The following CLSTN1 variants were observed in gnomAD, a reference collection of about 807,000 sequenced individuals.
CLSTN1 encodes the protein calsyntenin-1.
CLSTN1 carries 28 observed loss-of-function variants against 108.3 expected under a neutral mutation model. The ratio of observed to expected loss-of-function variants is 0.26; its 90% CI spans 0.19 to 0.35. CLSTN1 has a LOEUF of 0.35. Among genes scored for constraint, CLSTN1 ranks in the 10% least tolerant of loss-of-function variants. The probability of loss-of-function intolerance (pLI) is 1.00; values close to 1 mark genes in which losing one functional copy is unlikely to be tolerated. For missense variants in CLSTN1, 1,157 were observed against 1,302.6 expected (o/e 0.89, Z 1.72); for synonymous variants, 524 against 534.9 (o/e 0.98, Z 0.28).
At chr1:9,813,185 G>A (rs1365173590) in intron 1 of CLSTN1, among the ~76,000 whole-genome samples, 1 of 151,436 alleles carries the variant, frequency 6.6e-6, no homozygotes, top group African/African-American at 2.4e-5. Flanking sequence ...AGAAAAACCT[G>A]TTGCCATCTT....
At chr1:9,762,605 C>T (rs942045990) in intron 2 of CLSTN1, among the ~76,000 whole-genome samples, 1 of 148,794 alleles carries the variant, frequency 6.7e-6, no homozygotes, top group Admixed American at 6.7e-5. Flanking sequence ...CTCCACTCGG[C>T]CTTGGTGCCC....
chr1:9,773,227 G>A (rs1211695175), intron 2 of CLSTN1, 45 bp downstream of exon 2: 3 of 1,611,184 alleles, frequency 1.9e-6, no homozygotes, highest in African/African-American at 1.3e-5. Context: ...AATGCTTCCT[G>A]ACCAGGCCCG....
intron 9 of CLSTN1, among the ~76,000 whole-genome samples, chr1:9,741,784 C>T (rs1386347729): frequency 2.6e-5 from 4 of 152,048 alleles, no homozygotes; most frequent in South Asian, 2.1e-4. Flanking sequence ...TGGTGGTGCA[C>T]GCCTGTAGTC....
intron 2 of CLSTN1, among the ~76,000 whole-genome samples, chr1:9,771,008 C>T (rs1460976459): frequency 6.6e-6 from 1 of 151,886 alleles, no homozygotes; most frequent in Non-Finnish European, 1.5e-5. Flanking sequence ...TAAAACAAAA[C>T]AAAATAAAAT....
At chr1:9,735,223 G>A (rs1650621345) in intron 13 of CLSTN1, 49 bp from the exon 14 acceptor site, 1 of 1,592,848 alleles carries the variant, frequency 6.3e-7, no homozygotes, top group Admixed American at 1.7e-5. Context: ...GCCGATCTTG[G>A]AGCCCACCTG....
intron 1 of CLSTN1, among the ~76,000 whole-genome samples, chr1:9,782,013 T>C (rs370992456): frequency 2.6e-5 from 4 of 152,344 alleles, no homozygotes; most frequent in East Asian, 3.9e-4. Context: ...TCAGCCACCA[T>C]TGGTGAATTC....
chr1:9,739,177 C>T (rs1650846142), intron 10 of CLSTN1, among the ~76,000 whole-genome samples: 1 of 152,102 alleles, frequency 6.6e-6, no homozygotes, highest in Non-Finnish European at 1.5e-5. Flanking sequence ...TCAGCATTTC[C>T]TTTGGCAATA....
rs767073629 is a variant in CLSTN1 at position 9,752,871 on chromosome 1, G to GTAAA, written c.441-1194_441-1191dup. On this transcript the variant is annotated intron_variant, in intron 4 of 18. Transcript: ENST00000377298. ...AGCGAGACTCTGCCTCAAAAAATAA[G>GTAAA]TAAATAAATAAATAAATAAAACAAA... is the stretch of plus-strand genomic sequence containing the variant. Among the ~76,000 whole-genome samples the GTAAA allele has an allele frequency of 6.7e-3, 1,014 of 151,880 alleles. 12 individuals are homozygous for GTAAA. Among genetic ancestry groups the GTAAA allele is most frequent in the East Asian group, 0.044 (228 of 5,150 alleles).
At chr1:9,747,669 T>C (rs1027081987) in intron 7 of CLSTN1, among the ~76,000 whole-genome samples, 5 of 152,014 alleles carry the variant, frequency 3.3e-5, no homozygotes, top group Middle Eastern at 3.2e-3. Context: ...GCTAATTTTT[T>C]ATTTTTAGTA....
chr1:9,812,168 T>A (rs973758896), intron 1 of CLSTN1, among the ~76,000 whole-genome samples: 3 of 152,018 alleles, frequency 2.0e-5, no homozygotes, highest in Non-Finnish European at 4.4e-5. Context: ...CATAATCTGC[T>A]TAACAGAAGG....
chr1:9,735,959 CCTT>C lies in CLSTN1; in HGVS notation c.1657_1659del (p.Lys553del). On this transcript the variant is annotated inframe_deletion, in exon 12 of 19. Coordinates refer to ENST00000377298, the MANE Select transcript of CLSTN1 (RefSeq NM_001009566.3). The stretch of plus-strand genomic sequence containing the variant: ...TTGCAGGTATACAGACAGTCGATCA[CCTT>C]CTTATCCGCGAGTTTCCCGGAACGG... The C allele has an allele frequency of 1.2e-6, 2 of 1,614,192 alleles. No homozygotes were observed. The highest frequency in any genetic ancestry group is 1.1e-5 in the South Asian group (1 of 91,086).
At chr1:9,806,466 G>A (rs1391256488) in intron 1 of CLSTN1, among the ~76,000 whole-genome samples, 1 of 152,108 alleles carries the variant, frequency 6.6e-6, no homozygotes, top group Non-Finnish European at 1.5e-5. Flanking sequence ...ACCATACCTG[G>A]GGCAAATGTC....
chr1:9,774,225 T>G (rs183824273), intron 1 of CLSTN1, among the ~76,000 whole-genome samples: 6 of 152,210 alleles, frequency 3.9e-5, no homozygotes, highest in Middle Eastern at 3.4e-3. Flanking sequence ...AATAAAACTC[T>G]GCAGAATTTC....
At chr1:9,748,533 G>C (rs1413018448) in intron 7 of CLSTN1, among the ~76,000 whole-genome samples, 3 of 152,178 alleles carry the variant, frequency 2.0e-5, no homozygotes, top group Non-Finnish European at 4.4e-5. Flanking sequence ...TGTCATCCAG[G>C]CTGGAATGCA....
rs754798318 is a variant in CLSTN1, at chr1:9,731,313, G to A, written c.2641C>T (p.Arg881Trp). ...LVFMIILGVF[R>W]IRAAHRRTMR... ...GTCCGCCGATGTGCGGCCCGGATCC[G>A]AAATACCCCCAGGATAATCATGAAC... The change falls in exon 18 of 19, where the codon CGG becomes TGG. Residue 881 changes from arginine (R) to tryptophan (W), a missense_variant. By Grantham distance (101) the Arg-to-Trp change is moderately radical. Coordinates refer to ENST00000377298, the MANE Select transcript of CLSTN1 (RefSeq NM_001009566.3). 3.5e-5 allele frequency: 57 copies of A among 1,614,240 alleles called. No individual in the cohort carries two copies. Among genetic ancestry groups the A allele is most frequent in the Non-Finnish European group, 4.4e-5 (52 of 1,180,050 alleles).
Position 9,749,767 on chromosome 1 carries a change from G to C in CLSTN1, c.796C>G (p.Gln266Glu). 6.2e-7 allele frequency: 1 copy of C among 1,614,016 alleles called. No individual in the cohort carries two copies. Among genetic ancestry groups the C allele is most frequent in the Non-Finnish European group, 8.5e-7 (1 of 1,179,974 alleles). ...CAGGGGAGAGAATGAAGCTCACCTT[G>C]CCACCCAGGGGTGCAGGTGGGCTTA... is the stretch of plus-strand genomic sequence containing the variant. ...SIKPTCTPGW[Q>E]GWNNRIEYEP... is the part of the protein sequence containing the mutation. The change falls in exon 6 of 19, where the codon CAA becomes GAA. Residue 266 changes from glutamine (Q) to glutamate (E), a missense_variant. By Grantham distance (29) the Gln-to-Glu change is conservative. Transcript: ENST00000377298.
rs146428342 is a variant in CLSTN1 at position 9,734,574 on chromosome 1, CAA to C, written c.2110+372_2110+373del. 2.3e-4 allele frequency among the ~76,000 whole-genome samples: 23 copies of C among 101,906 alleles called. No homozygotes were observed. Among genetic ancestry groups the C allele is most frequent in the Admixed American group, 4.3e-4 (4 of 9,398 alleles). The allele number at this position is 101,906 out of a possible 152,430, so 66.9% of individuals were successfully genotyped here. On this transcript the variant is annotated intron_variant, in intron 14 of 18. Coordinates refer to ENST00000377298, the MANE Select transcript of CLSTN1 (RefSeq NM_001009566.3). The surrounding 1 kb of genome is among the most constrained non-coding windows in gnomAD (Gnocchi z 4.8). ...TGGGCGACAGAGTGAGACTCCATCT[CAA>C]AAAAAAAAAAAAAGGGGGGGAGTTT...
At chr1:9,795,964 A>C (rs1165405116) in intron 1 of CLSTN1, among the ~76,000 whole-genome samples, 5 of 143,620 alleles carry the variant, frequency 3.5e-5, no homozygotes, top group Admixed American at 1.4e-4. Flanking sequence ...CCACCTCCAA[A>C]AAAAAAAAAA....
intron 10 of CLSTN1, 49 bp from the exon 11 acceptor site, chr1:9,737,603 G>C (rs751455500): frequency 6.4e-7 from 1 of 1,553,974 alleles, no homozygotes; most frequent in Admixed American, 1.7e-5. Flanking sequence ...AGAGGTTAGG[G>C]TCTTCAAACC....
Sources: gnomAD v4.1 joint callset for allele counts (sites outside exome capture counted in the v4.1 genomes callset) on GRCh38, gnomAD v4.1.1 for gene constraint, Gnocchi (gnomAD v3.1) non-coding constraint, MANE v1.5 for transcripts, NCBI Gene and HGNC (gene_info 2026-07-23, HGNC 2026-07-21) for gene names.